Variants in CNOT1 observed in about 807,000 individuals in gnomAD.
CNOT1 encodes CCR4-associated factor 1.
A neutral mutation model predicts 273.8 loss-of-function variants in CNOT1; 15 were observed. The observed-to-expected ratio is 0.05, with a 90% CI of 0.04 to 0.08. CNOT1 has a LOEUF of 0.08. CNOT1 is among the 10% of genes least tolerant of loss of function. The pLI is 1.00. For synonymous variants in CNOT1, 1,022 were observed against 1,005.5 expected (o/e 1.02, Z -0.31); for missense variants, 1,644 against 2,912.2 (o/e 0.56, Z 10.02).
At chr16:58,534,941 A>C (rs1358348203) in intron 39 of CNOT1, among the ~76,000 whole-genome samples, 1 of 152,252 alleles carries the variant, frequency 6.6e-6, no homozygotes, top group Non-Finnish European at 1.5e-5. Context: ...TGATCTAGGT[A>C]TTTTAATGTA....
chr16:58,557,206 AG>A (rs1379453574), intron 18 of CNOT1, among the ~76,000 whole-genome samples: 7 of 152,208 alleles, frequency 4.6e-5, no homozygotes, highest in Non-Finnish European at 1.0e-4. Context: ...AAATTTCTTT[AG>A]CATCTGGAAT....
intron 43 of CNOT1, 81 bp downstream of exon 43, chr16:58,530,162 AAAC>A (rs1421873320): frequency 6.1e-6 from 7 of 1,153,174 alleles, no homozygotes; most frequent in Admixed American, 2.2e-5. Context: ...GGCTTAATAA[AAAC>A]AAAATAAGGC....
intron 1 of CNOT1, among the ~76,000 whole-genome samples, chr16:58,611,739 T>C (rs545418874): frequency 7.2e-4 from 109 of 150,994 alleles, no homozygotes; most frequent in African/African-American, 2.5e-3. Context: ...GAGAATGGCA[T>C]GAACCCGTGA....
chr16:58,581,894 C>T (rs919018272), intron 10 of CNOT1, among the ~76,000 whole-genome samples: 4 of 152,124 alleles, frequency 2.6e-5, no homozygotes, highest in Non-Finnish European at 5.9e-5. Context: ...AACTCCTGGC[C>T]TCATGTGATC....
chr16:58,521,677 G>A (rs950284799), intron 47 of CNOT1, among the ~76,000 whole-genome samples: 1 of 152,234 alleles, frequency 6.6e-6, no homozygotes, highest in Non-Finnish European at 1.5e-5. Context: ...CCCAGGCCGG[G>A]CACAGTGGCT....
chr16:58,592,835 T>C (rs2042109552), intron 2 of CNOT1, among the ~76,000 whole-genome samples: 1 of 152,110 alleles, frequency 6.6e-6, no homozygotes, highest in African/African-American at 2.4e-5. Context: ...GTCAAGAGTA[T>C]AGAGCTGAGG....
intron 13 of CNOT1, among the ~76,000 whole-genome samples, chr16:58,576,914 ATTACT>A (rs2041473684): frequency 6.6e-6 from 1 of 152,216 alleles, no homozygotes; most frequent in African/African-American, 2.4e-5. Context: ...AGTTTATATA[ATTACT>A]TTAAATGCAA....
In CNOT1 at chr16:58,587,341, T is replaced by C. The variant is rs2041908877; in HGVS notation, c.378+4A>G. On this transcript the variant is annotated splice_donor_region_variant and intron_variant, in intron 5 of 48. Transcript: ENST00000317147. ...GTCTACATCTCTTTTCATAAATCACTCACCTCTTGTACTTTGCTTAATTTG... is the reference window on the plus strand; with the variant it reads ...GTCTACATCTCTTTTCATAAATCACCCACCTCTTGTACTTTGCTTAATTTG... 1.9e-6 allele frequency: 3 copies of C among 1,614,016 alleles called. No homozygotes were observed. The highest frequency in any genetic ancestry group is 2.5e-6 in the Non-Finnish European group (3 of 1,179,968).
At position 58,547,249 on chromosome 16, in the gene CNOT1, T is replaced by C. The variant is rs776143519; in HGVS notation, c.3687A>G (p.Gln1229=). 7 of 1,613,968 alleles carry C rather than the reference T, an allele frequency of 4.3e-6. No homozygotes were observed. Among genetic ancestry groups the C allele is most frequent in the Non-Finnish European group, 5.1e-6 (6 of 1,179,906 alleles). Reference sequence around the variant, plus strand: ...AGGGCACTACATAGAGCAATTCTTGTTGTCCTTTAACATAAGCCTCTAGCA... The same window carrying C: ...AGGGCACTACATAGAGCAATTCTTGCTGTCCTTTAACATAAGCCTCTAGCA... ...SLLLEAYVKG[Q]QELLYVVPFV... is the part of the protein sequence containing the mutation. The change falls in exon 27 of 49, where the codon CAA becomes CAG. Residue 1229 remains glutamine (Q), a synonymous_variant. Transcript: ENST00000317147. The surrounding 1 kb of genome is among the most constrained non-coding windows in gnomAD (Gnocchi z 4.0).
At position 58,558,465 on chromosome 16, in the gene CNOT1, C is replaced by G. The variant is rs764334902; in HGVS notation, c.2332+8G>C. The G allele has an allele frequency of 1.9e-6, 3 of 1,613,646 alleles. No individual in the cohort carries two copies. Among genetic ancestry groups the G allele is most frequent in the Middle Eastern group, 1.7e-4 (1 of 5,950 alleles). ...AATAATCCATGCTCTCATTTGCCTC[C>G]CCCTTACCTGGAAGCTGTGATGAAA... On this transcript the variant is annotated splice_region_variant and intron_variant, in intron 18 of 48. Transcript: ENST00000317147.
chr16:58,558,381 T>C (rs1308432826), intron 18 of CNOT1, 92 bp downstream of exon 18: 2 of 1,564,658 alleles, frequency 1.3e-6, no homozygotes, highest in African/African-American at 1.4e-5. Context: ...CAGCTTTCCT[T>C]ATCACAGTGA....
At chr16:58,564,641 G>T (rs1193189672) in intron 16 of CNOT1, among the ~76,000 whole-genome samples, 1 of 152,118 alleles carries the variant, frequency 6.6e-6, no homozygotes, top group Non-Finnish European at 1.5e-5. Context: ...TACTATTTAG[G>T]GATAAATTCT....
At chr16:58,533,949 G>T (rs2039854474) in intron 40 of CNOT1, among the ~76,000 whole-genome samples, 198 bp downstream of exon 40, 1 of 151,658 alleles carries the variant, frequency 6.6e-6, no homozygotes, top group Non-Finnish European at 1.5e-5. Flanking sequence ...GGGCAACATG[G>T]TAAGACTCTA....
At chr16:58,538,935 T>C in intron 35 of CNOT1, 21 bp from the exon 36 acceptor site, 1 of 1,607,098 alleles carries the variant, frequency 6.2e-7, no homozygotes, top group Non-Finnish European at 8.5e-7. Flanking sequence ...AAGAAAGCGT[T>C]CAAAACCATG....
chr16:58,543,512 G>A (rs767483808), intron 31 of CNOT1, 95 bp downstream of exon 31: 21 of 1,572,430 alleles, frequency 1.3e-5, no homozygotes, highest in Non-Finnish European at 1.7e-5. Context: ...AAGAATAAGT[G>A]GTAACGCCCA....
intron 1 of CNOT1, among the ~76,000 whole-genome samples, chr16:58,602,486 G>T (rs953912872): frequency 4.1e-5 from 6 of 147,062 alleles, no homozygotes; most frequent in Admixed American, 6.9e-5. Flanking sequence ...CTGAGAGGCG[G>T]AGGTTGCAGT....
At chr16:58,536,664 T>C (rs1225438927) in intron 39 of CNOT1, among the ~76,000 whole-genome samples, 2 of 152,136 alleles carry the variant, frequency 1.3e-5, no homozygotes, top group Non-Finnish European at 2.9e-5. Flanking sequence ...ATTTTACATA[T>C]TTATTAGCCC....
In CNOT1 at chr16:58,523,542, AG is replaced by A. The variant is rs763097438; in HGVS notation, c.6785-41del. ...ACCTTGACTTAGGACTTAGTCTGAA[AG>A]GCCAACATGGGAAGACAGTTCTAAC... is the stretch of plus-strand genomic sequence containing the variant. On this transcript the variant is annotated intron_variant, in intron 46 of 48. Coordinates refer to ENST00000317147, the MANE Select transcript of CNOT1 (RefSeq NM_016284.5). 7.5e-6 allele frequency: 12 copies of A among 1,605,022 alleles called. No homozygotes were observed. The African/African-American group carries it at 1.6e-4, about 22-fold the overall frequency.
intron 16 of CNOT1, among the ~76,000 whole-genome samples, chr16:58,560,607 G>A (rs1051596023): frequency 1.2e-4 from 19 of 152,114 alleles, no homozygotes; most frequent in Non-Finnish European, 2.2e-4. Context: ...GGCTGGGCAC[G>A]GTGGCTCATA....
Sources: allele counts gnomAD v4.1 joint callset (sites outside exome capture counted in the v4.1 genomes callset), GRCh38; gene constraint gnomAD v4.1.1; non-coding constraint Gnocchi (gnomAD v3.1); transcripts MANE v1.5; gene names NCBI Gene and HGNC (gene_info 2026-07-23, HGNC 2026-07-21).